CRYZ: variants seen among roughly 807,000 people sequenced by gnomAD.
CRYZ encodes crystallin zeta, also known as zeta-crystallin.
In CRYZ, 35 loss-of-function variants were observed where a neutral mutation model predicts 34.1. That is an observed-to-expected ratio of 1.03 (90% confidence interval 0.78 to 1.36). The LOEUF is 1.36. Among genes scored for constraint, CRYZ ranks in the 40% most tolerant of loss-of-function variants. The pLI is 0.00. For missense variants in CRYZ, 403 were observed against 391.8 expected, an observed-to-expected ratio of 1.03 and a Z score of -0.24; for synonymous variants, 137 against 136.5, an observed-to-expected ratio of 1.00 and a Z score of -0.03.
chr1:74,720,087 A>T (rs1480738503), intron 3 of CRYZ, among the ~76,000 whole-genome samples: 11 of 152,086 alleles, frequency 7.2e-5, no homozygotes, highest in Admixed American at 7.2e-4. Flanking sequence ...AGGAACAAAG[A>T]AGTTCAATAA....
intron 1 of CRYZ, among the ~76,000 whole-genome samples, chr1:74,729,419 A>G (rs956234879): frequency 2.0e-4 from 29 of 148,404 alleles, no homozygotes; most frequent in African/African-American, 6.7e-4. Flanking sequence ...AATCATAAGG[A>G]TTGCCTGAGC....
Position 74,706,500 on chromosome 1 carries a change from T to C in CRYZ, c.829-43A>G, listed in dbSNP as rs754070084. ...AAATTTCTTTTTGTAGTGAACCGTA[T>C]GATTTAATTTTCAGAAGCATTAAAA... On this transcript the variant is annotated intron_variant, in intron 8 of 8. Transcript: ENST00000340866. 8.5e-6 allele frequency: 13 copies of C among 1,534,028 alleles called. No homozygotes were observed. In the African/African-American group the frequency reaches 1.5e-4, roughly 18 times the overall value.
chr1:74,719,516 GAC>G, intron 3 of CRYZ, 144 bp from the exon 4 acceptor site: 1 of 660,004 alleles, frequency 1.5e-6, no homozygotes, highest in Non-Finnish European at 2.3e-6. Flanking sequence ...TTTTTTTTGA[GAC>G]AGAGTCTTGC....
chr1:74,725,589 C>G (rs1337924344), intron 1 of CRYZ, among the ~76,000 whole-genome samples: 1 of 99,084 alleles, frequency 1.0e-5, no homozygotes, highest in Non-Finnish European at 1.9e-5. Flanking sequence ...GGGGACATAG[C>G]CAAATCATAT....
intron 6 of CRYZ, among the ~76,000 whole-genome samples, chr1:74,709,635 C>T (rs934739362): frequency 3.3e-5 from 5 of 152,172 alleles, no homozygotes; most frequent in African/African-American, 1.2e-4. Context: ...GCCACCTCAC[C>T]ATTTTGGATG....
intron 3 of CRYZ, among the ~76,000 whole-genome samples, chr1:74,721,886 T>C (rs1165579971): frequency 1.3e-5 from 2 of 152,214 alleles, no homozygotes; most frequent in African/African-American, 4.8e-5. Flanking sequence ...GGATAGCCAC[T>C]GGACACGGGA....
chr1:74,724,825 G>C lies in CRYZ; in HGVS notation c.-4C>G. 6.3e-7 allele frequency: 1 copy of C among 1,583,896 alleles called. No homozygotes were observed. The highest frequency in any genetic ancestry group is 8.6e-7 in the Non-Finnish European group (1 of 1,157,780). On this transcript the variant is annotated 5_prime_UTR_variant, in exon 2 of 9. It adds an upstream start codon to the 5' untranslated region. Transcript: ENST00000340866. The stretch of plus-strand genomic sequence containing the variant: ...TCAACTTCTGTCCAGTCGCCATGGT[G>C]ATCTAGATACTAAGGAAGAAAAAAA...
At chr1:74,719,844 C>G (rs536228497) in intron 3 of CRYZ, among the ~76,000 whole-genome samples, 1 of 151,696 alleles carries the variant, frequency 6.6e-6, no homozygotes, top group African/African-American at 2.4e-5. Context: ...TAATGGGAAC[C>G]AATGGGAAGA....
intron 1 of CRYZ, among the ~76,000 whole-genome samples, chr1:74,726,238 C>T (rs1647332791): frequency 6.6e-6 from 1 of 152,224 alleles, no homozygotes; most frequent in Admixed American, 6.5e-5. Context: ...GAGGTAGGTT[C>T]TCCATGAGGG....
At chr1:74,730,313 A>G (rs1315240350) in intron 1 of CRYZ, 2 of 152,172 alleles carry the variant, frequency 1.3e-5, no homozygotes, top group African/African-American at 4.8e-5. Flanking sequence ...TGTTGATCTT[A>G]TCTCCCACTG....
Position 74,706,212 on chromosome 1 carries a change from T to C in CRYZ, c.*84A>G. 2 of 1,166,966 alleles carry C rather than the reference T, an allele frequency of 1.7e-6. No individual in the cohort carries two copies. Among genetic ancestry groups the C allele is most frequent in the Non-Finnish European group, 2.3e-6 (2 of 852,774 alleles). The allele number at this position is 1,166,966 out of a possible 1,614,324, so 72.3% of individuals were successfully genotyped here. On this transcript the variant is annotated 3_prime_UTR_variant, in exon 9 of 9. Coordinates refer to ENST00000340866, the MANE Select transcript of CRYZ (RefSeq NM_001889.4). ...ATAAGAAGCTCATGGAATCGAATGT[T>C]AATTAAAGAAAAGATAGGGTAAGTA...
chr1:74,722,337 C>A (rs1211307918), intron 3 of CRYZ, among the ~76,000 whole-genome samples: 1 of 151,950 alleles, frequency 6.6e-6, no homozygotes, highest in African/African-American at 2.4e-5. Flanking sequence ...CATAAAAGGG[C>A]CCATTAACTT....
chr1:74,729,106 A>G (rs890445929), intron 1 of CRYZ, among the ~76,000 whole-genome samples: 2 of 150,480 alleles, frequency 1.3e-5, no homozygotes, highest in East Asian at 2.0e-4. Flanking sequence ...CATGGTGGAT[A>G]TAAGAACATA....
intron 5 of CRYZ, among the ~76,000 whole-genome samples, chr1:74,714,220 G>T (rs1373639369): frequency 6.6e-6 from 1 of 152,026 alleles, no homozygotes; most frequent in African/African-American, 2.4e-5. Flanking sequence ...CCTTATCTAA[G>T]GGAATATGGA....
rs1647122630 is a variant in CRYZ at position 74,719,340 on chromosome 1, G to A, written c.297C>T (p.Ile99=). 4 of 1,612,646 alleles carry A rather than the reference G, an allele frequency of 2.5e-6. No individual in the cohort carries two copies. Among genetic ancestry groups the A allele is most frequent in the Non-Finnish European group, 3.4e-6 (4 of 1,178,798 alleles). ...GAGCATACTCTGCATAACCCCCAGA[G>A]ATCGTGCTGCTAGTGAAAACTCTGT... is the stretch of plus-strand genomic sequence containing the variant. ...KGDRVFTSST[I]SGGYAEYALA... is the part of the protein sequence containing the mutation. Residue 99 remains isoleucine, a synonymous_variant, in exon 4 of 9, where the codon ATC becomes ATT. Transcript: ENST00000340866.
chr1:74,727,611 CT>C (rs1647433664), intron 1 of CRYZ, among the ~76,000 whole-genome samples: 2 of 132,704 alleles, frequency 1.5e-5, no homozygotes, highest in Admixed American at 1.7e-4. Context: ...AGCCACTGCA[CT>C]GCAGCCTGGG....
intron 1 of CRYZ, among the ~76,000 whole-genome samples, chr1:74,731,530 C>G (rs1408476683): frequency 6.6e-6 from 1 of 152,182 alleles, no homozygotes; most frequent in Non-Finnish European, 1.5e-5. Flanking sequence ...CAGAGAAAGT[C>G]TCTTCCTGGC....
chr1:74,710,220 T>C lies in CRYZ; in HGVS notation c.508A>G (p.Arg170Gly). Residue 170 changes from arginine (R) to glycine (G), a missense_variant, in exon 6 of 9, where the codon AGA (arginine) becomes GGA (glycine). Arg to Gly is a moderately radical substitution (Grantham distance 125, BLOSUM62 -2). Transcript: ENST00000340866. ...CCCAAAATCTTTAAGCCATAAGCTC[T>C]AGCAATTTGGCATGCTGCTAATCCA... ...GVGLAACQIA[R>G]AYGLKILGTA... is the part of the protein sequence containing the mutation. 6.2e-7 allele frequency: 1 copy of C among 1,613,796 alleles called. No individual in the cohort carries two copies. The highest frequency in any genetic ancestry group is 8.5e-7 in the Non-Finnish European group (1 of 1,179,816).
intron 5 of CRYZ, among the ~76,000 whole-genome samples, chr1:74,713,882 T>C (rs555963059): frequency 2.6e-4 from 39 of 152,276 alleles, no homozygotes; most frequent in Admixed American, 1.9e-3. Flanking sequence ...TGTTAAATTC[T>C]AACTGCAGAG....
Sources: allele counts gnomAD v4.1 joint callset (sites outside exome capture counted in the v4.1 genomes callset), GRCh38; gene constraint gnomAD v4.1.1; transcripts MANE v1.5; gene names NCBI Gene and HGNC (gene_info 2026-07-23, HGNC 2026-07-21).